The following KIAA2012 variants were observed in gnomAD, a reference collection of about 807,000 sequenced individuals.
KIAA2012 encodes the protein KIAA2012, also known as uncharacterized protein KIAA2012.
Under a neutral mutation model 150.6 loss-of-function variants are expected in KIAA2012, and 125 were observed. That is an observed-to-expected ratio of 0.83 (90% CI 0.72 to 0.96). The LOEUF is 0.96. Among genes scored for constraint, KIAA2012 ranks in the 40% least tolerant of loss-of-function variants. The pLI is 0.00. For synonymous variants in KIAA2012, 462 were observed against 504.7 expected (o/e 0.92, Z 1.13); for missense variants, 1,219 against 1,354.9 (o/e 0.90, Z 1.57).
intron 15 of KIAA2012, among the ~76,000 whole-genome samples, chr2:202,184,210 C>A (rs1692179671): frequency 6.6e-6 from 1 of 151,780 alleles, no homozygotes; most frequent in South Asian, 2.1e-4. Context: ...ATGGTGAAAC[C>A]CCATCTCTAC....
chr2:202,171,847 C>CTTTT (rs60916677), intron 15 of KIAA2012, among the ~76,000 whole-genome samples: 3,349 of 116,604 alleles, frequency 0.029, 256 homozygotes, highest in African/African-American at 0.11. Flanking sequence ...TTGGCATTTA[C>CTTTT]TTTTTTTTTT....
intron 16 of KIAA2012, among the ~76,000 whole-genome samples, chr2:202,186,229 A>C (rs1054423007): frequency 6.6e-6 from 1 of 152,164 alleles, no homozygotes; most frequent in South Asian, 2.1e-4. Flanking sequence ...CAGAGGGCAT[A>C]TTGCCAGGCG....
At chr2:202,106,339 CA>C (rs1690189293) in intron 9 of KIAA2012, among the ~76,000 whole-genome samples, 1 of 152,136 alleles carries the variant, frequency 6.6e-6, no homozygotes, top group African/African-American at 2.4e-5. Flanking sequence ...TATTTTTAAA[CA>C]ATGAAATTTC....
At chr2:202,129,809 A>G (rs1690885623) in intron 12 of KIAA2012, among the ~76,000 whole-genome samples, 1 of 152,126 alleles carries the variant, frequency 6.6e-6, no homozygotes, top group Admixed American at 6.5e-5. Flanking sequence ...GTCTCTAAAA[A>G]TATTTAAAAA....
At chr2:202,165,212 G>A in intron 14 of KIAA2012, 72 bp from the exon 15 acceptor site, 3 of 1,394,292 alleles carry the variant, frequency 2.2e-6, no homozygotes, top group Non-Finnish European at 3.0e-6. Flanking sequence ...AAGGTCATGG[G>A]ATCACAGAAG....
At chr2:202,117,640 T>C (rs888265625) in intron 11 of KIAA2012, among the ~76,000 whole-genome samples, 1 of 152,176 alleles carries the variant, frequency 6.6e-6, no homozygotes, top group South Asian at 2.1e-4. Context: ...CTTCCTCATA[T>C]GGAAAAAGAG....
At chr2:202,166,523 C>T (rs567002402) in intron 15 of KIAA2012, among the ~76,000 whole-genome samples, 5 of 152,010 alleles carry the variant, frequency 3.3e-5, no homozygotes, top group South Asian at 4.1e-4. Flanking sequence ...CATGGTAGCA[C>T]ATGCCTGTAG....
chr2:202,139,665 G>A lies in KIAA2012; in HGVS notation c.1908+1157G>A, dbSNP rs552156180. ...TAGGCCTGGGTCAGGCCTCCACTGAGGTGAAACGCAGCTGAGCGGCTCCTC... is the reference window on the plus strand; with the variant it reads ...TAGGCCTGGGTCAGGCCTCCACTGAAGTGAAACGCAGCTGAGCGGCTCCTC... On this transcript the variant is annotated intron_variant, in intron 13 of 23. Coordinates refer to ENST00000498697, the MANE Select transcript of KIAA2012 (RefSeq NM_001277372.4). Among the ~76,000 whole-genome samples, 172 of 152,372 alleles carry A rather than the reference G, an allele frequency of 1.1e-3. 7 individuals are homozygous for A. Among genetic ancestry groups the A allele is most frequent in the Middle Eastern group, 3.4e-3 (1 of 294 alleles).
intron 15 of KIAA2012, chr2:202,178,973 A>C (rs1332172551): frequency 3.5e-6 from 1 of 283,592 alleles, no homozygotes; most frequent in African/African-American, 2.3e-5. Context: ...TAATGGGTGA[A>C]CTTTTTCTTT....
chr2:202,186,843 G>T, intron 16 of KIAA2012, 90 bp from the exon 17 acceptor site: 1 of 1,316,506 alleles, frequency 7.6e-7, no homozygotes, highest in Non-Finnish European at 1.0e-6. Flanking sequence ...TGCCTGCAGA[G>T]AACAGGTGCT....
At chr2:202,076,965 T>C (rs560471386) in intron 2 of KIAA2012, 7 of 456,764 alleles carry the variant, frequency 1.5e-5, no homozygotes, top group East Asian at 1.4e-4. Context: ...TGGAAAGAGA[T>C]TGGAGAGGGA....
In KIAA2012 at chr2:202,093,228, A is replaced by G. The variant is rs750422524; in HGVS notation, c.685+43A>G. ...TGTTGATTTTATGACCAGTTCTCAG[A>G]TATTTGAATTGTTAACACCTTAAAA... On this transcript the variant is annotated intron_variant, in intron 4 of 23. Coordinates refer to ENST00000498697, the MANE Select transcript of KIAA2012 (RefSeq NM_001277372.4). The G allele has an allele frequency of 2.0e-5, 31 of 1,538,570 alleles. No individual in the cohort carries two copies. The African/African-American group carries it at 3.8e-4, about 19-fold the overall frequency.
intron 22 of KIAA2012, among the ~76,000 whole-genome samples, chr2:202,200,396 G>A (rs1441803473): frequency 3.3e-5 from 5 of 152,076 alleles, no homozygotes; most frequent in Non-Finnish European, 7.4e-5. Context: ...TTTTGCCTGA[G>A]GAAATACGAA....
At chr2:202,164,734 C>G (rs755144079) in intron 14 of KIAA2012, among the ~76,000 whole-genome samples, 5 of 152,222 alleles carry the variant, frequency 3.3e-5, no homozygotes, top group Non-Finnish European at 4.4e-5. Flanking sequence ...CACTAGTCCT[C>G]CCTCAAGTCC....
Position 202,151,124 on chromosome 2 carries a change from C to T in KIAA2012, c.1909-3549C>T, listed in dbSNP as rs905723439. Among the ~76,000 whole-genome samples the T allele has an allele frequency of 3.3e-5, 5 of 152,262 alleles. No homozygotes were observed. The East Asian group carries it at 7.7e-4, about 24-fold the overall frequency. ...AATAATCAGACCACAGGGCCAGGCA[C>T]GGTGGCTCACTCCTGTAATCTCAGC... On this transcript the variant is annotated intron_variant, in intron 13 of 23. Transcript: ENST00000498697.
At chr2:202,094,427 G>A (rs1342212763) in intron 4 of KIAA2012, among the ~76,000 whole-genome samples, 1 of 152,122 alleles carries the variant, frequency 6.6e-6, no homozygotes, top group African/African-American at 2.4e-5. Context: ...CTCAGAGCCT[G>A]GGGCCATTAA....
intron 13 of KIAA2012, among the ~76,000 whole-genome samples, chr2:202,140,552 G>T (rs1016588510): frequency 1.3e-5 from 2 of 152,180 alleles, no homozygotes; most frequent in African/African-American, 4.8e-5. Flanking sequence ...AACAGGGTGG[G>T]AGGGAGGTGG....
At chr2:202,115,864 T>C (rs190343184) in intron 11 of KIAA2012, 73 of 151,718 alleles carry the variant, frequency 4.8e-4, no homozygotes, top group African/African-American at 1.7e-3. Flanking sequence ...AATTAGATCA[T>C]GGTATCTTCT....
chr2:202,163,900 A>G (rs942784148), intron 14 of KIAA2012, among the ~76,000 whole-genome samples: 1 of 150,142 alleles, frequency 6.7e-6, no homozygotes, highest in Non-Finnish European at 1.5e-5. Flanking sequence ...ATGTCAGTAT[A>G]TATCATCAGC....
Sources: gnomAD v4.1 joint callset for allele counts (sites outside exome capture counted in the v4.1 genomes callset) on GRCh38, gnomAD v4.1.1 for gene constraint, MANE v1.5 for transcripts, NCBI Gene and HGNC (gene_info 2026-07-23, HGNC 2026-07-21) for gene names.